The following DENND1B variants were observed in gnomAD, a reference collection of about 807,000 sequenced individuals.
DENND1B encodes DENN domain-containing protein 1B.
In DENND1B, 59 loss-of-function variants were observed where a neutral mutation model predicts 90.1. The ratio of observed to expected loss-of-function variants is 0.65; its 90% confidence interval spans 0.53 to 0.81. The LOEUF (loss-of-function observed/expected upper bound fraction) is 0.81, where lower values mean the gene tolerates loss of function less well. Among genes scored for constraint, DENND1B ranks in the 40% least tolerant of loss-of-function variants. The probability of loss-of-function intolerance (pLI) is 0.00; values close to 1 mark genes in which losing one functional copy is unlikely to be tolerated. For synonymous variants in DENND1B, 337 were observed against 324.6 expected (o/e 1.04, Z -0.41); for missense variants, 862 against 912.6 (o/e 0.94, Z 0.71).
chr1:197,679,818 T>C (rs1483436187), intron 3 of DENND1B, among the ~76,000 whole-genome samples: 15 of 149,880 alleles, frequency 1.0e-4, no homozygotes, highest in African/African-American at 3.4e-4. Context: ...GTTTTTTTTT[T>C]TTTTTTTTTT....
chr1:197,575,181 A>G (rs1673554180), intron 15 of DENND1B, among the ~76,000 whole-genome samples: 1 of 152,148 alleles, frequency 6.6e-6, no homozygotes, highest in African/African-American at 2.4e-5. Context: ...ATTTTTTGCC[A>G]TCTACCCATC....
intron 2 of DENND1B, among the ~76,000 whole-genome samples, chr1:197,719,359 G>T (rs1660941792): frequency 6.6e-6 from 1 of 152,100 alleles, no homozygotes; most frequent in African/African-American, 2.4e-5. Context: ...GAGAAGACAG[G>T]AAGGTTGGAA....
intron 2 of DENND1B, among the ~76,000 whole-genome samples, chr1:197,739,028 C>T (rs1662971786): frequency 6.6e-6 from 1 of 152,140 alleles, no homozygotes; most frequent in Non-Finnish European, 1.5e-5. Context: ...AGAAGGTTCA[C>T]CACCAACCCA....
chr1:197,698,388 A>G (rs1440311233), intron 3 of DENND1B, among the ~76,000 whole-genome samples: 2 of 152,164 alleles, frequency 1.3e-5, no homozygotes, highest in Admixed American at 6.5e-5. Flanking sequence ...ACAACATACC[A>G]GAATCTCTGG....
At chr1:197,550,597 G>A (rs538623269) in intron 16 of DENND1B, among the ~76,000 whole-genome samples, 24 of 151,742 alleles carry the variant, frequency 1.6e-4, no homozygotes, top group Non-Finnish European at 3.4e-4. Flanking sequence ...TCACTCATAG[G>A]TGGGAATTGA....
In DENND1B at chr1:197,575,254, A is replaced by AC. The variant is rs772905483; in HGVS notation, c.1149+7897dup. On this transcript the variant is annotated intron_variant, in intron 15 of 22. Coordinates refer to ENST00000620048, the MANE Select transcript of DENND1B (RefSeq NM_001195215.2). ...AAACAAATTTACAAGAAAAAAAAAAACCATTAAAAAGTGGGAAAAGCATAG... is the reference window on the plus strand; with the variant it reads ...AAACAAATTTACAAGAAAAAAAAAAACCCATTAAAAAGTGGGAAAAGCATAG... 5.5e-4 allele frequency among the ~76,000 whole-genome samples: 84 copies of AC among 151,716 alleles called. No individual in the cohort carries two copies. In the Middle Eastern group the frequency reaches 0.017, roughly 31 times the overall value.
intron 5 of DENND1B, among the ~76,000 whole-genome samples, chr1:197,665,389 T>C (rs184360966): frequency 6.6e-5 from 10 of 152,310 alleles, no homozygotes; most frequent in Admixed American, 2.0e-4. Flanking sequence ...TAAAGCATTA[T>C]ATACAAATGT....
chr1:197,658,476 C>T (rs1654072663), intron 5 of DENND1B, 107 bp from the exon 6 acceptor site: 1 of 706,040 alleles, frequency 1.4e-6, no homozygotes, highest in Non-Finnish European at 2.3e-6. Context: ...TCCTGGAGGT[C>T]AAAAAAGAAC....
intron 13 of DENND1B, among the ~76,000 whole-genome samples, chr1:197,598,153 A>G (rs1334287721): frequency 6.6e-6 from 1 of 151,818 alleles, no homozygotes. Context: ...AAATATAGTT[A>G]TATTTCTCCT....
intron 14 of DENND1B, among the ~76,000 whole-genome samples, chr1:197,585,732 G>A (rs946108281): frequency 2.6e-5 from 4 of 152,066 alleles, no homozygotes; most frequent in African/African-American, 9.7e-5. Context: ...CTCTCAAGGA[G>A]AAAAATAAGT....
At chr1:197,724,857 A>G (rs565764089) in intron 2 of DENND1B, among the ~76,000 whole-genome samples, 27 of 152,248 alleles carry the variant, frequency 1.8e-4, no homozygotes, top group African/African-American at 6.3e-4. Context: ...AGCATATCTT[A>G]TAAAACTGAA....
chr1:197,579,634 T>G (rs542045785), intron 15 of DENND1B, among the ~76,000 whole-genome samples: 1 of 152,264 alleles, frequency 6.6e-6, no homozygotes, highest in African/African-American at 2.4e-5. Flanking sequence ...TCCTCACCTA[T>G]TAGAACTGAC....
chr1:197,602,298 A>G (rs145672608), intron 13 of DENND1B, among the ~76,000 whole-genome samples: 1 of 151,564 alleles, frequency 6.6e-6, no homozygotes, highest in Admixed American at 6.6e-5. Flanking sequence ...TACAAAGCAC[A>G]GTACCAAGGC....
chr1:197,657,166 A>T (rs1228469687), intron 6 of DENND1B, among the ~76,000 whole-genome samples: 1 of 152,220 alleles, frequency 6.6e-6, no homozygotes, highest in Non-Finnish European at 1.5e-5. Flanking sequence ...CTCGCAAATC[A>T]TCTATCTAAT....
intron 20 of DENND1B, among the ~76,000 whole-genome samples, chr1:197,536,294 T>C (rs1669900158): frequency 6.6e-6 from 1 of 152,314 alleles, no homozygotes; most frequent in Non-Finnish European, 1.5e-5. Flanking sequence ...TGCAATTAGA[T>C]GTCCTAAAGA....
chr1:197,516,303 A>G (rs141327141), intron 20 of DENND1B, among the ~76,000 whole-genome samples: 1 of 151,946 alleles, frequency 6.6e-6, no homozygotes, highest in East Asian at 1.9e-4. Flanking sequence ...TAGTCATTGA[A>G]TATATATCAA....
intron 5 of DENND1B, among the ~76,000 whole-genome samples, chr1:197,658,860 A>C (rs765780901): frequency 6.6e-6 from 1 of 151,056 alleles, no homozygotes; most frequent in Non-Finnish European, 1.5e-5. Context: ...TATCAAAAAG[A>C]CTATTCTAAA....
At chr1:197,597,308 T>C (rs892841544) in intron 13 of DENND1B, among the ~76,000 whole-genome samples, 9 of 151,746 alleles carry the variant, frequency 5.9e-5, no homozygotes, top group African/African-American at 2.2e-4. Flanking sequence ...CATATCAATA[T>C]ACGTATTTAA....
intron 2 of DENND1B, among the ~76,000 whole-genome samples, chr1:197,727,786 C>T (rs937212918): frequency 6.6e-6 from 1 of 152,032 alleles, no homozygotes; most frequent in African/African-American, 2.4e-5. Flanking sequence ...TTTCCTCTCC[C>T]TACATGGCAG....
Sources: gnomAD v4.1 joint callset for allele counts (sites outside exome capture counted in the v4.1 genomes callset) on GRCh38, gnomAD v4.1.1 for gene constraint, MANE v1.5 for transcripts, NCBI Gene and HGNC (gene_info 2026-07-23, HGNC 2026-07-21) for gene names.